ZNF804B: variants seen among roughly 807,000 people sequenced by gnomAD.
ZNF804B encodes the protein zinc finger 804B.
A neutral mutation model predicts 101.4 loss-of-function variants in ZNF804B; 80 were observed. That is an observed-to-expected ratio of 0.79 (90% CI 0.66 to 0.95). The LOEUF (loss-of-function observed/expected upper bound fraction) is 0.95. Ranked by LOEUF, ZNF804B falls within the 40% of genes least tolerant of loss-of-function variation. The pLI, the probability that ZNF804B is intolerant of heterozygous loss-of-function variation, is 0.00. For synonymous variants in ZNF804B, 622 were observed against 558.8 expected (o/e 1.11, Z -1.59); for missense variants, 1,673 against 1,561.9 (o/e 1.07, Z -1.20).
intron 1 of ZNF804B, among the ~76,000 whole-genome samples, chr7:89,056,965 G>A (rs1789305948): frequency 6.6e-6 from 1 of 152,128 alleles, no homozygotes; most frequent in Admixed American, 6.6e-5. Flanking sequence ...AAAGTGTGAA[G>A]ATCGTTGATT....
At chr7:89,221,292 C>T (rs1170239253) in intron 2 of ZNF804B, among the ~76,000 whole-genome samples, 1 of 151,868 alleles carries the variant, frequency 6.6e-6, no homozygotes, top group East Asian at 1.9e-4. Context: ...AGCACCACCG[C>T]CTGTGGGATT....
intron 1 of ZNF804B, among the ~76,000 whole-genome samples, chr7:88,843,947 AT>A (rs1380368862): frequency 6.6e-6 from 1 of 152,152 alleles, no homozygotes; most frequent in Admixed American, 6.5e-5. Context: ...GTTTATAAAG[AT>A]TAAAAAATTG....
intron 1 of ZNF804B, among the ~76,000 whole-genome samples, chr7:89,037,566 GAT>G (rs59604792): frequency 0.023 from 3,379 of 144,978 alleles, 47 homozygotes; most frequent in African/African-American, 0.035. Context: ...GTAATGCATG[GAT>G]ATATATATAT....
chr7:89,333,334 A>G, intron 3 of ZNF804B, 29 bp from the exon 4 acceptor site: 1 of 1,509,236 alleles, frequency 6.6e-7, no homozygotes, highest in Non-Finnish European at 8.8e-7. Context: ...CTAATCTCTT[A>G]ATCATTTAAA....
intron 1 of ZNF804B, among the ~76,000 whole-genome samples, chr7:88,907,297 C>T (rs557620219): frequency 6.6e-6 from 1 of 151,996 alleles, no homozygotes; most frequent in Admixed American, 6.5e-5. Context: ...GTTCTTCACT[C>T]TATGTTTTTT....
rs185965944 is a variant in ZNF804B at position 88,930,517 on chromosome 7, C to A, written c.108+170433C>A. On this transcript the variant is annotated intron_variant, in intron 1 of 3. Transcript: ENST00000333190. ...TAGGCTTATGTTTCCAAAAAATGTC[C>A]CAGACCATATTTAAAAACTGCTTCA... 2.0e-5 allele frequency among the ~76,000 whole-genome samples: 3 copies of A among 151,872 alleles called. No homozygotes were observed. The East Asian group carries it at 5.8e-4, about 29-fold the overall frequency.
chr7:88,853,237 G>C (rs1791472171), intron 1 of ZNF804B, among the ~76,000 whole-genome samples: 1 of 152,094 alleles, frequency 6.6e-6, no homozygotes, highest in East Asian at 1.9e-4. Context: ...ACGTATTCTG[G>C]GACAAGCTTA....
intron 1 of ZNF804B, among the ~76,000 whole-genome samples, chr7:88,912,063 G>T (rs1268873569): frequency 2.6e-5 from 4 of 151,766 alleles, no homozygotes; most frequent in Non-Finnish European, 5.9e-5. Context: ...ATGAGAAAAT[G>T]GTTGGTGTGT....
chr7:89,010,519 T>C (rs1019511835), intron 1 of ZNF804B, among the ~76,000 whole-genome samples: 9 of 152,186 alleles, frequency 5.9e-5, no homozygotes, highest in African/African-American at 1.9e-4. Context: ...CAAGTAAAAA[T>C]TTAGAAACTT....
chr7:89,110,871 T>C (rs1407244419), intron 1 of ZNF804B, among the ~76,000 whole-genome samples: 1 of 152,094 alleles, frequency 6.6e-6, no homozygotes, highest in East Asian at 1.9e-4. Context: ...TTTTTTTTCA[T>C]TCATCTCTCC....
At chr7:89,301,099 GTT>G (rs5885673) in intron 2 of ZNF804B, among the ~76,000 whole-genome samples, 125 of 77,684 alleles carry the variant, frequency 1.6e-3, no homozygotes, top group South Asian at 2.4e-3. Flanking sequence ...TTTCAAGCGT[GTT>G]TTTTTTTTTT....
chr7:88,905,815 GA>G (rs1792461085), intron 1 of ZNF804B, among the ~76,000 whole-genome samples: 1 of 150,962 alleles, frequency 6.6e-6, no homozygotes, highest in Admixed American at 6.6e-5. Flanking sequence ...CTGACAATTT[GA>G]AATAGTTTCA....
At chr7:89,153,429 G>GATA (rs58654760) in intron 1 of ZNF804B, among the ~76,000 whole-genome samples, 14,127 of 145,316 alleles carry the variant, frequency 0.097, 721 homozygotes, top group Non-Finnish European at 0.1. Flanking sequence ...TGATGATGAT[G>GATA]ATAATAATAA....
At chr7:88,828,763 A>G (rs923602603) in intron 1 of ZNF804B, among the ~76,000 whole-genome samples, 4 of 152,106 alleles carry the variant, frequency 2.6e-5, no homozygotes, top group African/African-American at 4.8e-5. Flanking sequence ...TGATGAGGGT[A>G]TATTGTTCAT....
intron 1 of ZNF804B, among the ~76,000 whole-genome samples, chr7:88,914,106 T>G (rs540588718): frequency 6.6e-6 from 1 of 152,200 alleles, no homozygotes; most frequent in Non-Finnish European, 1.5e-5. Flanking sequence ...TGTGGACATA[T>G]GCTCTGCTTA....
chr7:88,927,192 A>G (rs1359137477), intron 1 of ZNF804B, among the ~76,000 whole-genome samples: 2 of 152,170 alleles, frequency 1.3e-5, no homozygotes, highest in Admixed American at 1.3e-4. Flanking sequence ...AAGTGGCCCT[A>G]TTGAAAGCAT....
intron 1 of ZNF804B, among the ~76,000 whole-genome samples, chr7:89,185,201 G>T (rs1368278355): frequency 6.6e-6 from 1 of 152,204 alleles, no homozygotes; most frequent in African/African-American, 2.4e-5. Flanking sequence ...GAAAGTGAAA[G>T]AGAGTTTGGG....
At chr7:88,861,673 G>T (rs541466447) in intron 1 of ZNF804B, among the ~76,000 whole-genome samples, 1 of 152,012 alleles carries the variant, frequency 6.6e-6, no homozygotes, top group African/African-American at 2.4e-5. Context: ...ATCTTCTATC[G>T]TAGGTCTGCA....
chr7:89,203,523 G>A lies in ZNF804B; in HGVS notation c.109-14632G>A, dbSNP rs146947140. ...GGCACATTTTCTCAGCTTAAAGTTA[G>A]TATTTTAGATTTAAGACATAGAGCT... On this transcript the variant is annotated intron_variant, in intron 1 of 3. Coordinates refer to ENST00000333190, the MANE Select transcript of ZNF804B (RefSeq NM_181646.5). 3.8e-3 allele frequency among the ~76,000 whole-genome samples: 584 copies of A among 151,932 alleles called. 3 individuals carry two copies. The highest frequency in any genetic ancestry group is 0.013 in the African/African-American group (554 of 41,416).
Sources: allele counts gnomAD v4.1 joint callset (sites outside exome capture counted in the v4.1 genomes callset), GRCh38; gene constraint gnomAD v4.1.1; transcripts MANE v1.5; gene names NCBI Gene and HGNC (gene_info 2026-07-23, HGNC 2026-07-21).